Variants in CNNM2 observed in about 807,000 individuals in gnomAD.
CNNM2 encodes cyclin and CBS domain divalent metal cation transport mediator 2.
In CNNM2, 12 loss-of-function variants were observed where a neutral mutation model predicts 66.9. The ratio of observed to expected loss-of-function variants is 0.18; its 90% CI spans 0.11 to 0.29. CNNM2 has a LOEUF of 0.29. Ranked by LOEUF, CNNM2 falls within the 10% of genes least tolerant of loss-of-function variation. CNNM2 has a pLI of 1.00. For synonymous variants in CNNM2, 557 were observed against 501.8 expected, an observed-to-expected ratio of 1.11 and a Z score of -1.47; for missense variants, 705 against 1,167.7, an observed-to-expected ratio of 0.60 and a Z score of 5.77.
rs1217139914 is a variant in CNNM2 at position 103,052,287 on chromosome 10, AAAAC to A, written c.1766-2038_1766-2035del. ...AGAGTGAGAATCCGTCTCAAAAAAA[AAAAC>A]AAAAAAAAAAAAACCCAAACCGAGT... On this transcript the variant is annotated intron_variant, in intron 2 of 7. Coordinates refer to ENST00000369878, the MANE Select transcript of CNNM2 (RefSeq NM_017649.5). Among the ~76,000 whole-genome samples, 6 of 150,420 alleles carry A rather than the reference AAAAC, an allele frequency of 4.0e-5. No homozygotes were observed. In the East Asian group the frequency reaches 1.2e-3, roughly 29 times the overall value.
intron 4 of CNNM2, 58 bp from the exon 5 acceptor site, chr10:103,068,571 G>T: frequency 7.5e-7 from 1 of 1,341,172 alleles, no homozygotes; most frequent in South Asian, 1.2e-5. Context: ...ATATTGTACA[G>T]AGTGTGCCAG....
chr10:103,005,099 G>C (rs1372564927), intron 1 of CNNM2, among the ~76,000 whole-genome samples: 2 of 151,788 alleles, frequency 1.3e-5, no homozygotes, highest in Non-Finnish European at 2.9e-5. Context: ...ATTTTTAGTA[G>C]AGACGGGGTT....
intron 2 of CNNM2, among the ~76,000 whole-genome samples, chr10:103,050,468 CAG>C (rs1179740300): frequency 2.0e-5 from 3 of 149,846 alleles, no homozygotes; most frequent in African/African-American, 7.4e-5. Context: ...ACCCAGGAGA[CAG>C]AGGTTGCAGT....
rs955100298 is a variant in CNNM2 at position 103,027,492 on chromosome 10, C to T, written c.1622-22215C>T. ...GGGAGGGAGGACAATCTCCATAACC[C>T]ATTCGATGCACCCAGCTGCAAAATT... On this transcript the variant is annotated intron_variant, in intron 1 of 7. Transcript: ENST00000369878. 3.3e-5 allele frequency: 5 copies of T among 152,306 alleles called. No individual in the cohort carries two copies. The East Asian group carries it at 9.6e-4, about 29-fold the overall frequency. The allele number at this position is 152,306 out of a possible 1,614,324, so 9.4% of individuals were successfully genotyped here.
chr10:102,956,825 T>TG (rs1331779962), intron 1 of CNNM2, among the ~76,000 whole-genome samples: 3 of 150,922 alleles, frequency 2.0e-5, no homozygotes, highest in Non-Finnish European at 4.4e-5. Flanking sequence ...TGTCATGTGG[T>TG]GGGGGGCAGG....
chr10:102,950,532 C>T (rs892050452), intron 1 of CNNM2, among the ~76,000 whole-genome samples: 6 of 151,892 alleles, frequency 4.0e-5, no homozygotes, highest in Admixed American at 1.3e-4. Context: ...AGGCTTGAGG[C>T]GGGAGGATTG....
intron 1 of CNNM2, among the ~76,000 whole-genome samples, chr10:102,969,452 T>C (rs1054445158): frequency 6.6e-6 from 1 of 151,848 alleles, no homozygotes; most frequent in African/African-American, 2.4e-5. Context: ...GACCTTGTGA[T>C]TTGCCCGCCT....
Position 102,919,599 on chromosome 10 carries a change from C to T in CNNM2, c.1119C>T (p.Ala373=). Reference sequence around the variant, plus strand: ...CCCGGCATGGCCTGGCTGTGGGGGCCAACACCATCTTCCTCACCAAGTTTT... The same window carrying T: ...CCCGGCATGGCCTGGCTGTGGGGGCTAACACCATCTTCCTCACCAAGTTTT... ...ICSRHGLAVG[A]NTIFLTKFFM... is the part of the protein sequence containing the mutation. The change falls in exon 1 of 8, where the codon GCC becomes GCT. Residue 373 remains alanine, a synonymous_variant. Transcript: ENST00000369878. 2 of 1,613,738 alleles carry T rather than the reference C, an allele frequency of 1.2e-6. No individual in the cohort carries two copies. Among genetic ancestry groups the T allele is most frequent in the African/African-American group, 2.7e-5 (2 of 75,050 alleles).
Position 102,999,029 on chromosome 10 carries a change from C to T in CNNM2, c.1622-50678C>T, listed in dbSNP as rs888922821. On this transcript the variant is annotated intron_variant, in intron 1 of 7. Coordinates refer to ENST00000369878, the MANE Select transcript of CNNM2 (RefSeq NM_017649.5). ...AAGTGATTCTTGTGCCTCAGCCTCC[C>T]GAGTAGCTGGGATTACAGGCAAAAA... Among the ~76,000 whole-genome samples, 6 of 151,842 alleles carry T rather than the reference C, an allele frequency of 4.0e-5. No individual in the cohort carries two copies. The East Asian group carries it at 5.8e-4, about 15-fold the overall frequency.
At chr10:103,051,134 C>T (rs2065206052) in intron 2 of CNNM2, among the ~76,000 whole-genome samples, 1 of 152,112 alleles carries the variant, frequency 6.6e-6, no homozygotes, top group Non-Finnish European at 1.5e-5. Context: ...AAGCAGGGTG[C>T]TTTTTATTCA....
At chr10:103,058,638 G>A (rs1014674906) in intron 4 of CNNM2, among the ~76,000 whole-genome samples, 7 of 152,082 alleles carry the variant, frequency 4.6e-5, no homozygotes, top group African/African-American at 1.7e-4. Context: ...ACCTGTATTT[G>A]TATACCAATT....
intron 1 of CNNM2, among the ~76,000 whole-genome samples, chr10:103,041,839 C>T (rs2065045478): frequency 6.6e-6 from 1 of 152,110 alleles, no homozygotes; most frequent in African/African-American, 2.4e-5. Context: ...TTGGTTCTAT[C>T]TCAGCCTCCT....
Position 102,929,446 on chromosome 10 carries a change from T to TA in CNNM2, c.1621+9362dup, listed in dbSNP as rs72447749. Among the ~76,000 whole-genome samples, 299 of 125,794 alleles carry TA rather than the reference T, an allele frequency of 2.4e-3. 1 individual carries two copies. Among genetic ancestry groups the TA allele is most frequent in the Middle Eastern group, 7.8e-3 (2 of 256 alleles). The allele number at this position is 125,794 out of a possible 152,430, so 82.5% of individuals were successfully genotyped here. On this transcript the variant is annotated intron_variant, in intron 1 of 7. Transcript: ENST00000369878. ...TGACAGAGCAAGAGCATGTCTTTTT[T>TA]AAAAAAAAAAAAAAAAAGTGACTAG...
intron 4 of CNNM2, among the ~76,000 whole-genome samples, chr10:103,060,543 C>T (rs949063771): frequency 3.3e-5 from 5 of 152,056 alleles, no homozygotes; most frequent in African/African-American, 1.2e-4. Flanking sequence ...AGACCCCCAT[C>T]TCCAAACAAA....
intron 1 of CNNM2, among the ~76,000 whole-genome samples, chr10:103,049,434 C>CG (rs1428048635): frequency 6.6e-6 from 1 of 152,166 alleles, no homozygotes; most frequent in Non-Finnish European, 1.5e-5. Flanking sequence ...CGAAAGGTTA[C>CG]GCAACAAGAG....
intron 1 of CNNM2, among the ~76,000 whole-genome samples, chr10:102,954,130 T>TC (rs200356598): frequency 6.3e-5 from 8 of 126,316 alleles, no homozygotes; most frequent in South Asian, 4.6e-4. Context: ...TCTTTTCTTT[T>TC]TTTTTTTTTT....
intron 1 of CNNM2, among the ~76,000 whole-genome samples, chr10:103,047,613 T>G (rs530794899): frequency 1.3e-5 from 2 of 152,362 alleles, no homozygotes; most frequent in African/African-American, 4.8e-5. Flanking sequence ...GAACTCTCTG[T>G]ACTCTCTTTG....
At chr10:103,067,464 G>T (rs959521730) in intron 4 of CNNM2, among the ~76,000 whole-genome samples, 1 of 152,170 alleles carries the variant, frequency 6.6e-6, no homozygotes, top group Non-Finnish European at 1.5e-5. Context: ...GCTGCATCGA[G>T]TTGTGCACAT....
intron 1 of CNNM2, among the ~76,000 whole-genome samples, chr10:103,038,701 T>C (rs1267977407): frequency 1.3e-5 from 2 of 152,198 alleles, no homozygotes; most frequent in Non-Finnish European, 2.9e-5. Context: ...AGGATGTTCA[T>C]GGCTGGACTG....
Sources: gnomAD v4.1 joint callset for allele counts (sites outside exome capture counted in the v4.1 genomes callset) on GRCh38, gnomAD v4.1.1 for gene constraint, MANE v1.5 for transcripts, NCBI Gene and HGNC (gene_info 2026-07-23, HGNC 2026-07-21) for gene names.